Variants in HECTD4 observed in about 807,000 individuals in gnomAD.
HECTD4 encodes the protein HECT domain E3 ubiquitin protein ligase 4, also known as probable E3 ubiquitin-protein ligase HECTD4.
Under a neutral mutation model 471.5 loss-of-function variants are expected in HECTD4, and 114 were observed. The observed-to-expected ratio is 0.24, with a 90% CI of 0.21 to 0.28. The LOEUF (loss-of-function observed/expected upper bound fraction) is 0.28, where lower values mean the gene tolerates loss of function less well. Among genes scored for constraint, HECTD4 ranks in the 10% least tolerant of loss-of-function variants. The pLI is 1.00. For synonymous variants in HECTD4, 2,012 were observed against 2,256.0 expected (o/e 0.89, Z 3.07); for missense variants, 3,866 against 5,651.5 (o/e 0.68, Z 10.13).
chr12:112,252,145 C>T (rs1397839151), intron 23 of HECTD4, among the ~76,000 whole-genome samples: 1 of 152,156 alleles, frequency 6.6e-6, no homozygotes, highest in African/African-American at 2.4e-5. Context: ...CCTCTTTGCC[C>T]TGTGGAAAGA....
At chr12:112,302,580 G>A (rs764476749) in intron 7 of HECTD4, 38 of 674,172 alleles carry the variant, frequency 5.6e-5, no homozygotes, top group Non-Finnish European at 9.4e-5. Context: ...TCTCAAACAG[G>A]GAATTCACCA....
At chr12:112,165,221 T>C (rs1237045746) in intron 72 of HECTD4, among the ~76,000 whole-genome samples, 3 of 148,972 alleles carry the variant, frequency 2.0e-5, no homozygotes, top group African/African-American at 5.0e-5. Flanking sequence ...CTGTCCTCTT[T>C]CTTTTTTTTT....
At chr12:112,241,910 C>T (rs1424981184) in intron 32 of HECTD4, among the ~76,000 whole-genome samples, 1 of 152,120 alleles carries the variant, frequency 6.6e-6, no homozygotes, top group Non-Finnish European at 1.5e-5. Flanking sequence ...ACCCATTTTC[C>T]TCCAGCCACT....
intron 55 of HECTD4, among the ~76,000 whole-genome samples, chr12:112,200,315 G>A (rs1222532024): frequency 2.6e-5 from 4 of 152,002 alleles, no homozygotes; most frequent in South Asian, 4.1e-4. Flanking sequence ...CACCAAGATC[G>A]GCTAATTTTT....
chr12:112,246,943 C>A lies in HECTD4; in HGVS notation c.4471G>T (p.Gly1491Cys). ...LLHVTIAAQSGLTRSISGTPA... is the reference protein window; with the variant it reads ...LLHVTIAAQSCLTRSISGTPA... ...GTCCCAGAGATGCTTCTCGTGAGGC[C>A]CGACTGGGCTGCGATGGTGACATGC... Residue 1491 changes from glycine to cysteine, a missense_variant, in exon 29 of 76, where the codon GGC becomes TGC. Around this residue, in one of 16 missense-constraint regions of HECTD4, gnomAD observed 49 missense variants for 43.6 expected, o/e 1.12. Coordinates refer to ENST00000682272, the MANE Select transcript of HECTD4 (RefSeq NM_001388303.1). The A allele has an allele frequency of 6.2e-7, 1 of 1,612,110 alleles. No individual in the cohort carries two copies. The highest frequency in any genetic ancestry group is 2.1e-4 in the Middle Eastern group (1 of 4,730).
At chr12:112,220,877 G>A (rs1249666924) in intron 44 of HECTD4, among the ~76,000 whole-genome samples, 10 of 152,198 alleles carry the variant, frequency 6.6e-5, no homozygotes, top group Admixed American at 3.3e-4. Context: ...CACTTCGGGA[G>A]GCTGAGGCAG....
chr12:112,202,702 G>A (rs1432725152), intron 54 of HECTD4, among the ~76,000 whole-genome samples: 1 of 152,120 alleles, frequency 6.6e-6, no homozygotes, highest in Non-Finnish European at 1.5e-5. Context: ...CAAATACAAG[G>A]ATGGGCATGC....
At chr12:112,310,919 T>C (rs1305935005) in intron 4 of HECTD4, among the ~76,000 whole-genome samples, 1 of 152,200 alleles carries the variant, frequency 6.6e-6, no homozygotes, top group East Asian at 1.9e-4. Context: ...ACAGGGCTTA[T>C]TATAGTATTC....
chr12:112,331,221 C>T (rs1406343823), intron 1 of HECTD4, among the ~76,000 whole-genome samples: 2 of 152,140 alleles, frequency 1.3e-5, no homozygotes, highest in Non-Finnish European at 2.9e-5. Context: ...CAGGCACGTG[C>T]CACCACGCCC....
At chr12:112,329,906 G>A (rs2035813489) in intron 1 of HECTD4, among the ~76,000 whole-genome samples, 1 of 152,144 alleles carries the variant, frequency 6.6e-6, no homozygotes, top group South Asian at 2.1e-4. Context: ...GAGCCCAGGA[G>A]TTTGAGACAA....
At chr12:112,221,281 C>T (rs1009297442) in intron 44 of HECTD4, among the ~76,000 whole-genome samples, 1 of 152,120 alleles carries the variant, frequency 6.6e-6, no homozygotes, top group Non-Finnish European at 1.5e-5. Context: ...CAGGGTCTCA[C>T]TCTGTCTCTC....
chr12:112,242,954 A>G (rs1419894775), intron 32 of HECTD4, among the ~76,000 whole-genome samples: 8 of 152,220 alleles, frequency 5.3e-5, no homozygotes, highest in African/African-American at 1.9e-4. Context: ...ATGTGCTGAT[A>G]TGAAAACACA....
Position 112,179,429 on chromosome 12 carries a change from G to T in HECTD4, c.10988-32C>A, listed in dbSNP as rs1449593195. 6 of 1,561,752 alleles carry T rather than the reference G, an allele frequency of 3.8e-6. No individual in the cohort carries two copies. The Middle Eastern group carries it at 8.4e-4, about 218-fold the overall frequency. ...GATGGAGAGGGGGCAAAACAATTCT[G>T]CCGTGAACATGCATCGGGACAAGCC... On this transcript the variant is annotated intron_variant, in intron 62 of 75. Coordinates refer to ENST00000682272, the MANE Select transcript of HECTD4 (RefSeq NM_001388303.1). The surrounding 1 kb of genome is among the most constrained non-coding windows in gnomAD (Gnocchi z 4.3).
At chr12:112,328,078 C>G (rs898463046) in intron 1 of HECTD4, among the ~76,000 whole-genome samples, 1 of 151,972 alleles carries the variant, frequency 6.6e-6, no homozygotes, top group African/African-American at 2.4e-5. Context: ...CAAAGGAGAT[C>G]GACTGGCTAG....
At chr12:112,347,991 C>G (rs1234083180) in intron 1 of HECTD4, among the ~76,000 whole-genome samples, 1 of 152,176 alleles carries the variant, frequency 6.6e-6, no homozygotes, top group Non-Finnish European at 1.5e-5. Context: ...CAGTCTTGAG[C>G]AGAAATAGTT....
In HECTD4 at chr12:112,261,264, C is replaced by G. The variant is rs764095622; in HGVS notation, c.2873+41G>C. The G allele has an allele frequency of 1.8e-5, 27 of 1,493,756 alleles. No individual in the cohort carries two copies. In the Admixed American group the frequency reaches 5.1e-4, roughly 28 times the overall value. The allele number at this position is 1,493,756 out of a possible 1,614,324, so 92.5% of individuals were successfully genotyped here. On this transcript the variant is annotated intron_variant, in intron 18 of 75. Transcript: ENST00000682272. ...TAATTTCAATAAACAAACTTTTCTT[C>G]CCACAGGGCAGCTGGTCACAGCCCA...
At chr12:112,334,979 T>C (rs2035920982) in intron 1 of HECTD4, among the ~76,000 whole-genome samples, 1 of 152,164 alleles carries the variant, frequency 6.6e-6, no homozygotes, top group Non-Finnish European at 1.5e-5. Context: ...GAATTACCAT[T>C]TGATCCACCA....
At chr12:112,312,208 T>C (rs929988397) in intron 4 of HECTD4, among the ~76,000 whole-genome samples, 1 of 152,248 alleles carries the variant, frequency 6.6e-6, no homozygotes, top group African/African-American at 2.4e-5. Flanking sequence ...AACTTCTTAA[T>C]GGCAACTATT....
At chr12:112,174,139 G>A (rs758455781) in intron 66 of HECTD4, among the ~76,000 whole-genome samples, 9 of 149,332 alleles carry the variant, frequency 6.0e-5, no homozygotes, top group Middle Eastern at 3.5e-3. Context: ...CACCACGCTC[G>A]GCTAATTTTT....
Sources: gnomAD v4.1 joint callset for allele counts (sites outside exome capture counted in the v4.1 genomes callset) on GRCh38, gnomAD v4.1.1 for gene constraint, gnomAD v4.1.1 regional missense constraint, Gnocchi (gnomAD v3.1) non-coding constraint, MANE v1.5 for transcripts, NCBI Gene and HGNC (gene_info 2026-07-23, HGNC 2026-07-21) for gene names.